The following ENOX2 variants were observed in gnomAD, a reference collection of about 807,000 sequenced individuals.
ENOX2 encodes the protein APK1 antigen.
In ENOX2, 36 loss-of-function variants were observed where a neutral mutation model predicts 45.0. The observed-to-expected ratio is 0.80, with a 90% CI of 0.61 to 1.06. The LOEUF (loss-of-function observed/expected upper bound fraction) is 1.06, where lower values mean the gene tolerates loss of function less well. Among genes scored for constraint, ENOX2 ranks in the 50% least tolerant of loss-of-function variants. The probability of loss-of-function intolerance (pLI) is 0.00; values close to 1 mark genes in which losing one functional copy is unlikely to be tolerated. For missense variants in ENOX2, 423 were observed against 462.5 expected (o/e 0.91, Z 0.78); for synonymous variants, 174 against 152.3 (o/e 1.14, Z -1.05).
intron 2 of ENOX2, among the ~76,000 whole-genome samples, chrX:130,828,243 T>C (rs1289048300): frequency 1.8e-5 from 2 of 112,018 alleles, no homozygotes; most frequent in Non-Finnish European, 3.8e-5. Flanking sequence ...GTAATTTAGC[T>C]TCTGGGTTCA....
At chrX:130,719,621 T>C (rs1390153505) in intron 3 of ENOX2, among the ~76,000 whole-genome samples, 1 of 111,995 alleles carries the variant, frequency 8.9e-6, no homozygotes, top group Non-Finnish European at 1.9e-5. Context: ...GGGCTCCAGC[T>C]GAGGGGCGGC....
At chrX:130,891,541 C>T (rs1176603136) in intron 2 of ENOX2, among the ~76,000 whole-genome samples, 3 of 85,042 alleles carry the variant, frequency 3.5e-5, no homozygotes, top group Admixed American at 1.5e-4. Context: ...TGCTCTGTCA[C>T]GCAGGCTGGA....
chrX:130,648,028 TA>T (rs1485821271), intron 10 of ENOX2, among the ~76,000 whole-genome samples: 1 of 111,636 alleles, frequency 9.0e-6, no homozygotes, highest in Non-Finnish European at 1.9e-5. Context: ...AAAATAAAAA[TA>T]AAAAAATGGA....
At chrX:130,853,321 G>A (rs1442940111) in intron 2 of ENOX2, among the ~76,000 whole-genome samples, 8 of 108,495 alleles carry the variant, frequency 7.4e-5, no homozygotes, top group African/African-American at 1.0e-4. Flanking sequence ...AAAGTTAGCC[G>A]GGCGTAGTGG....
intron 2 of ENOX2, among the ~76,000 whole-genome samples, chrX:130,816,598 G>C (rs943467851): frequency 8.9e-6 from 1 of 111,816 alleles, no homozygotes; most frequent in East Asian, 2.8e-4. Context: ...TTAGAACTCA[G>C]GATAAAGAAA....
intron 2 of ENOX2, among the ~76,000 whole-genome samples, chrX:130,785,417 G>A (rs1012772459): frequency 6.3e-5 from 7 of 110,774 alleles, no homozygotes; most frequent in African/African-American, 2.3e-4. Flanking sequence ...AACAAGTACT[G>A]TTTTTCAGCA....
chrX:130,655,749 C>A (rs2036530460), intron 10 of ENOX2, among the ~76,000 whole-genome samples: 1 of 111,674 alleles, frequency 9.0e-6, no homozygotes, highest in African/African-American at 3.3e-5. Flanking sequence ...ATTCTTCTGC[C>A]TCAGCCTCCC....
intron 3 of ENOX2, among the ~76,000 whole-genome samples, chrX:130,707,504 G>A (rs2038067855): frequency 3.0e-5 from 2 of 67,083 alleles, no homozygotes; most frequent in Admixed American, 4.2e-4. Flanking sequence ...TGATTTTGAA[G>A]ACTACACACA....
intron 2 of ENOX2, among the ~76,000 whole-genome samples, chrX:130,821,742 T>TAAAAAAAAAAA: frequency 1.2e-3 from 27 of 23,161 alleles, no homozygotes; most frequent in Non-Finnish European, 1.6e-3. Context: ...ATAAATAAAT[T>TAAAAAAAAAAA]AAAAAAAAAA....
At chrX:130,641,444 C>T (rs1475914198) in intron 10 of ENOX2, among the ~76,000 whole-genome samples, 6 of 111,116 alleles carry the variant, frequency 5.4e-5, no homozygotes, top group African/African-American at 9.8e-5. Flanking sequence ...TTTGGCTGGG[C>T]GCAGTGGCTC....
chrX:130,811,986 T>C (rs1354620827), intron 2 of ENOX2, among the ~76,000 whole-genome samples: 1 of 111,356 alleles, frequency 9.0e-6, no homozygotes, highest in African/African-American at 3.3e-5. Flanking sequence ...ATGTGTGAAC[T>C]TGAAGGCAGG....
rs745416572 is a variant in ENOX2 at position 130,688,991 on chromosome X, G to T, written c.125C>A (p.Thr42Asn). 1 of 1,207,351 alleles carries T rather than the reference G, an allele frequency of 8.3e-7. No individual in the cohort carries two copies. Among genetic ancestry groups the T allele is most frequent in the South Asian group, 1.8e-5 (1 of 56,150 alleles). ...CATTGGAGTTATTGGTGGAATTCCA[G>T]TCATCATTCCAAGAGCAGGATCAAA... is the stretch of plus-strand genomic sequence containing the variant. ...PDFDPALGMMTGIPPITPMMP... is the reference protein window; with the variant it reads ...PDFDPALGMMNGIPPITPMMP... Residue 42 changes from threonine (T) to asparagine (N), a missense_variant, in exon 5 of 15, where the codon ACT becomes AAT. This residue lies in a region of ENOX2 where 261 missense variants were observed against 306.8 expected (regional missense o/e 0.85). Transcript: ENST00000394363.
chrX:130,755,515 T>G (rs1288193897), intron 3 of ENOX2, among the ~76,000 whole-genome samples: 4 of 111,254 alleles, frequency 3.6e-5, no homozygotes, highest in Non-Finnish European at 7.6e-5. Flanking sequence ...ACCTCTAAAA[T>G]TTTTATGGTT....
At chrX:130,761,587 G>C (rs1186448205) in intron 3 of ENOX2, among the ~76,000 whole-genome samples, 2 of 111,836 alleles carry the variant, frequency 1.8e-5, no homozygotes, top group African/African-American at 3.3e-5. Context: ...TTTACAGAAA[G>C]CATGGTGCTG....
chrX:130,715,376 C>T (rs773217913), intron 3 of ENOX2, among the ~76,000 whole-genome samples: 2 of 112,017 alleles, frequency 1.8e-5, no homozygotes, highest in East Asian at 2.8e-4. Flanking sequence ...CACATACAAC[C>T]GCATGAGGCA....
At chrX:130,888,997 T>C (rs1043480822) in intron 2 of ENOX2, among the ~76,000 whole-genome samples, 3 of 111,202 alleles carry the variant, frequency 2.7e-5, no homozygotes, top group Non-Finnish European at 5.7e-5. Context: ...GCCCAGTGTG[T>C]TGGGGGAGGA....
intron 3 of ENOX2, among the ~76,000 whole-genome samples, chrX:130,759,757 AT>A (rs376859312): frequency 4.0e-4 from 42 of 105,525 alleles, no homozygotes; most frequent in East Asian, 5.9e-4. Flanking sequence ...CTTTATTTTT[AT>A]TTTTTTTTTG....
chrX:130,860,331 A>G (rs187453604), intron 2 of ENOX2, among the ~76,000 whole-genome samples: 173 of 111,574 alleles, frequency 1.6e-3, no homozygotes, highest in African/African-American at 5.2e-3. Flanking sequence ...ACTCCCACGG[A>G]TTTCTTTGGA....
At chrX:130,794,771 A>G (rs1259259752) in intron 2 of ENOX2, among the ~76,000 whole-genome samples, 2 of 112,384 alleles carry the variant, frequency 1.8e-5, no homozygotes, top group East Asian at 5.6e-4. Flanking sequence ...CCGCATGAAT[A>G]ACATTTGTAT....
Sources: gnomAD v4.1 joint callset for allele counts (sites outside exome capture counted in the v4.1 genomes callset) on GRCh38, gnomAD v4.1.1 for gene constraint, gnomAD v4.1.1 regional missense constraint, MANE v1.5 for transcripts, NCBI Gene and HGNC (gene_info 2026-07-23, HGNC 2026-07-21) for gene names.